The following MYH7 variants were observed in gnomAD, a reference collection of about 807,000 sequenced individuals.
MYH7 encodes the protein myosin-7.
Under a neutral mutation model 225.4 loss-of-function variants are expected in MYH7, and 129 were observed. The ratio of observed to expected loss-of-function variants is 0.57; its 90% CI spans 0.50 to 0.66. The LOEUF is 0.66. MYH7 is among the 30% of genes least tolerant of loss of function. MYH7 has a pLI of 0.00. For synonymous variants in MYH7, 971 were observed against 1,007.6 expected (o/e 0.96, Z 0.69); for missense variants, 1,649 against 2,517.0 (o/e 0.66, Z 7.38).
At position 23,425,393 on chromosome 14, in the gene MYH7, C is replaced by G. The variant is rs775308260; in HGVS notation, c.2312G>C (p.Gly771Ala). 3 of 1,614,168 alleles carry G rather than the reference C, an allele frequency of 1.9e-6. No individual in the cohort carries two copies. The highest frequency in any genetic ancestry group is 3.3e-5 in the Admixed American group (2 of 60,018). ...CTCGTCCCTCATTTCCTCCAGCAGC[C>G]CCAGCAGCCCGGCCTTGAAGAACAC... is the stretch of plus-strand genomic sequence containing the variant. ...TKVFFKAGLL[G>A]LLEEMRDERL... The change falls in exon 21 of 40, where the codon GGG becomes GCG. Residue 771 changes from glycine (G) to alanine (A), a missense_variant. This residue lies in a region of MYH7 where 41 missense variants were observed against 124.8 expected (regional missense o/e 0.33). Coordinates refer to ENST00000355349, the MANE Select transcript of MYH7 (RefSeq NM_000257.4). The surrounding 1 kb of genome is among the most constrained non-coding windows in gnomAD (Gnocchi z 4.6).
intron 24 of MYH7, among the ~76,000 whole-genome samples, chr14:23,423,060 G>A (rs117532317): frequency 0.017 from 2,564 of 152,328 alleles, 26 homozygotes; most frequent in Non-Finnish European, 0.029. Context: ...GGCTGAGATA[G>A]AAGCTTAAAT....
chr14:23,434,609 C>G (rs1893075230), intron 1 of MYH7, among the ~76,000 whole-genome samples: 1 of 152,184 alleles, frequency 6.6e-6, no homozygotes, highest in Admixed American at 6.5e-5. Context: ...CACTTCAATG[C>G]ACTTTCTCCT....
chr14:23,425,851 T>C lies in MYH7; in HGVS notation c.2163-33A>G, dbSNP rs747761978. 6.2e-7 allele frequency: 1 copy of C among 1,613,542 alleles called. No homozygotes were observed. The highest frequency in any genetic ancestry group is 1.1e-5 in the South Asian group (1 of 91,050). Reference sequence around the variant, plus strand: ...GGGAAGTGTCCAGAGTCACCCATGCTCTGCAGTGATCTGCTCTGCCCATAG... The same window carrying C: ...GGGAAGTGTCCAGAGTCACCCATGCCCTGCAGTGATCTGCTCTGCCCATAG... On this transcript the variant is annotated intron_variant, in intron 19 of 39. Coordinates refer to ENST00000355349, the MANE Select transcript of MYH7 (RefSeq NM_000257.4). This position sits in a 1 kb window ranked among gnomAD's most constrained non-coding sequence, Gnocchi z 4.6.
chr14:23,432,581 C>G, intron 5 of MYH7, 58 bp downstream of exon 5: 1 of 1,614,160 alleles, frequency 6.2e-7, no homozygotes, highest in Middle Eastern at 1.6e-4. Context: ...CTTCCTTCTC[C>G]CTCTCCCTCC....
intron 10 of MYH7, 25 bp downstream of exon 10, chr14:23,430,876 G>C (rs533316281): frequency 6.4e-7 from 1 of 1,558,036 alleles, no homozygotes; most frequent in Non-Finnish European, 8.9e-7. Context: ...GAGATAGTTG[G>C]TCTCAGTCGG....
In MYH7 at chr14:23,426,077, C is replaced by G; in HGVS notation, c.2049G>C (p.Val683=). The change falls in exon 19 of 40, where the codon GTG becomes GTC. Residue 683 remains valine, a synonymous_variant. Transcript: ENST00000355349. ...IIPNETKSPG[V]MDNPLVMHQL... is the part of the protein sequence containing the mutation. ...GGTGCATGACCAGGGGGTTGTCCATCACCCCTGTGGCAAGAAGGAAGTAGG... is the reference window on the plus strand; with the variant it reads ...GGTGCATGACCAGGGGGTTGTCCATGACCCCTGTGGCAAGAAGGAAGTAGG... 6.2e-7 allele frequency: 1 copy of G among 1,614,168 alleles called. No individual in the cohort carries two copies. The highest frequency in any genetic ancestry group is 2.2e-5 in the East Asian group (1 of 44,888).
chr14:23,422,517 A>G (rs1470039034), intron 24 of MYH7, among the ~76,000 whole-genome samples, 192 bp from the exon 25 acceptor site: 1 of 151,846 alleles, frequency 6.6e-6, no homozygotes. Flanking sequence ...TATTTTATAG[A>G]TAAAGGAATA....
chr14:23,421,724 A>T (rs1480650840), intron 25 of MYH7: 1 of 984,806 alleles, frequency 1.0e-6, no homozygotes, highest in African/African-American at 1.7e-5. Context: ...AAGAATTGGA[A>T]CCACAAGTTA....
Position 23,424,242 on chromosome 14 carries a change from G to A in MYH7, c.2680-93C>T, listed in dbSNP as rs1892604847. The A allele has an allele frequency of 7.2e-6, 11 of 1,533,202 alleles. No individual in the cohort carries two copies. In the South Asian group the frequency reaches 1.1e-4, roughly 15 times the overall value. 95.0% of individuals were successfully genotyped at this position (1,533,202 alleles called of 1,614,324 possible). On this transcript the variant is annotated intron_variant, in intron 22 of 39. Coordinates refer to ENST00000355349, the MANE Select transcript of MYH7 (RefSeq NM_000257.4). ...GGAGAGGCACATCACTCAAATAGGA[G>A]GGTAACTCTAGGATATCCCCACTTG...
rs762619419 is a variant in MYH7 at position 23,429,927 on chromosome 14, C to T, written c.1000-14G>A. On this transcript the variant is annotated splice_polypyrimidine_tract_variant and intron_variant, in intron 11 of 39. Transcript: ENST00000355349. ...ATCAAAAGCGTTCTGTAGGGAGGCCCCATATTGGCGGACCCCAGAAAAAGA... is the reference window on the plus strand; with the variant it reads ...ATCAAAAGCGTTCTGTAGGGAGGCCTCATATTGGCGGACCCCAGAAAAAGA... 5 of 1,613,650 alleles carry T rather than the reference C, an allele frequency of 3.1e-6. No individual in the cohort carries two copies. Among genetic ancestry groups the T allele is most frequent in the Admixed American group, 1.7e-5 (1 of 59,996 alleles).
chr14:23,427,404 G>T, intron 16 of MYH7, 97 bp from the exon 17 acceptor site: 2 of 1,522,000 alleles, frequency 1.3e-6, no homozygotes, highest in African/African-American at 1.4e-5. Flanking sequence ...CTGGCATTTG[G>T]CCCCTGGGTG....
chr14:23,417,473 TGCTGGCTGCG>T lies in MYH7; in HGVS notation c.4353+20_4353+29del. Reference sequence around the variant, plus strand: ...ACCCCTCATGCCCCCTTGCCCTGCATGCTGGCTGCGGCCCCCACCCAGGGCCCACCTTGTC... The same window carrying T: ...ACCCCTCATGCCCCCTTGCCCTGCATGCCCCCACCCAGGGCCCACCTTGTC... On this transcript the variant is annotated intron_variant, in intron 31 of 39. Transcript: ENST00000355349. 6.2e-7 allele frequency: 1 copy of T among 1,612,274 alleles called. No individual in the cohort carries two copies. The highest frequency in any genetic ancestry group is 1.7e-5 in the Admixed American group (1 of 60,032).
chr14:23,433,575 G>A lies in MYH7; in HGVS notation c.158C>T (p.Ser53Phe). The change falls in exon 3 of 40, where the codon TCT becomes TTT. Residue 53 changes from serine (S) to phenylalanine (F), a missense_variant. By Grantham distance (155) the Ser-to-Phe change is radical. Transcript: ENST00000355349. The surrounding 1 kb of genome is among the most constrained non-coding windows in gnomAD (Gnocchi z 4.1). The stretch of plus-strand genomic sequence containing the variant: ...GGCAGTGACTTTGCCACCCTCTCGA[G>A]ACACGATCTTGGCCTTGACAAACTC... The part of the protein sequence containing the change: ...KQEFVKAKIV[S>F]REGGKVTAET... The A allele has an allele frequency of 6.2e-7, 1 of 1,614,216 alleles. No individual in the cohort carries two copies. Among genetic ancestry groups the A allele is most frequent in the South Asian group, 1.1e-5 (1 of 91,080 alleles).
rs145738465 is a variant in MYH7 at position 23,425,960 on chromosome 14, C to T, written c.2162+4G>A. 4.7e-4 allele frequency: 755 copies of T among 1,613,530 alleles called. 2 individuals carry two copies. The African/African-American group carries it at 8.6e-3, about 18-fold the overall frequency. ...TATGAGCTCTGGTGCACCCTCATAC[C>T]CACCTCTGCCGGAAGTCCCCGTAGA... On this transcript the variant is annotated splice_donor_region_variant and intron_variant, in intron 19 of 39. Transcript: ENST00000355349. This position sits in a 1 kb window ranked among gnomAD's most constrained non-coding sequence, Gnocchi z 4.6.
rs1396353268 is a variant in MYH7 at position 23,422,341 on chromosome 14, A to G, written c.3100-16T>C. On this transcript the variant is annotated splice_polypyrimidine_tract_variant and intron_variant, in intron 24 of 39. Coordinates refer to ENST00000355349, the MANE Select transcript of MYH7 (RefSeq NM_000257.4). ...ATCCTTCCAGCTGGTAGAGAGAAGG[A>G]GCCAGGCCCAGTGAGGCAAAGCATC... The G allele has an allele frequency of 3.1e-6, 5 of 1,613,956 alleles. No homozygotes were observed. The African/African-American group carries it at 6.7e-5, about 22-fold the overall frequency.
At chr14:23,430,219 T>G (rs1377710354) in intron 11 of MYH7, among the ~76,000 whole-genome samples, 5 of 152,154 alleles carry the variant, frequency 3.3e-5, no homozygotes, top group Non-Finnish European at 5.9e-5. Context: ...CTTCCATACC[T>G]GTCTGCATCT....
Position 23,426,846 on chromosome 14 carries a change from T to C in MYH7, c.1975A>G (p.Met659Val), listed in dbSNP as rs775546775. 1 of 1,611,868 alleles carries C rather than the reference T, an allele frequency of 6.2e-7. No homozygotes were observed. The highest frequency in any genetic ancestry group is 1.1e-5 in the South Asian group (1 of 91,020). ...ALHRENLNKL[M>V]TNLRSTHPHF... is the part of the protein sequence containing the mutation. The stretch of plus-strand genomic sequence containing the variant: ...GGATGGGTGGAGCGCAAGTTGGTCA[T>C]CAGCTTGTTCAGATTTTCCTGTGGC... Residue 659 changes from methionine (M) to valine (V), a missense_variant, in exon 18 of 40, where the codon ATG (methionine) becomes GTG (valine). Met to Val is a conservative substitution (Grantham distance 21, BLOSUM62 1). This residue lies in a region of MYH7 where 112 missense variants were observed against 161.9 expected (regional missense o/e 0.69). Coordinates refer to ENST00000355349, the MANE Select transcript of MYH7 (RefSeq NM_000257.4).
At chr14:23,422,451 G>A in intron 24 of MYH7, 126 bp from the exon 25 acceptor site, 1 of 1,284,152 alleles carries the variant, frequency 7.8e-7, no homozygotes, top group East Asian at 2.5e-5. Context: ...CCCAGAGTGG[G>A]CCAAATGTTA....
chr14:23,434,881 C>T (rs1893083215), intron 1 of MYH7, among the ~76,000 whole-genome samples: 1 of 152,156 alleles, frequency 6.6e-6, no homozygotes, highest in South Asian at 2.1e-4. Flanking sequence ...AACACTCATG[C>T]CTGCTGCTTG....
Sources: gnomAD v4.1 joint callset for allele counts (sites outside exome capture counted in the v4.1 genomes callset) on GRCh38, gnomAD v4.1.1 for gene constraint, gnomAD v4.1.1 regional missense constraint, Gnocchi (gnomAD v3.1) non-coding constraint, MANE v1.5 for transcripts, NCBI Gene and HGNC (gene_info 2026-07-23, HGNC 2026-07-21) for gene names.